PDLIM5: variants seen among roughly 807,000 people sequenced by gnomAD.
PDLIM5 encodes PDZ and LIM domain protein 5.
Under a neutral mutation model 64.2 loss-of-function variants are expected in PDLIM5, and 34 were observed. That is an observed-to-expected ratio of 0.53 (90% CI 0.40 to 0.71). PDLIM5 has a LOEUF of 0.71. PDLIM5 is among the 30% of genes least tolerant of loss of function. PDLIM5 has a pLI of 0.00. For synonymous variants in PDLIM5, 253 were observed against 269.1 expected, an observed-to-expected ratio of 0.94 and a Z score of 0.59; for missense variants, 683 against 733.6, an observed-to-expected ratio of 0.93 and a Z score of 0.80.
At chr4:94,543,353 A>G (rs924112032) in intron 3 of PDLIM5, among the ~76,000 whole-genome samples, 4 of 152,114 alleles carry the variant, frequency 2.6e-5, no homozygotes, top group African/African-American at 7.2e-5. Flanking sequence ...CATGTACAAC[A>G]TAATGTTTTG....
intron 11 of PDLIM5, among the ~76,000 whole-genome samples, chr4:94,662,077 C>T (rs889770792): frequency 2.6e-5 from 4 of 152,078 alleles, no homozygotes; most frequent in African/African-American, 9.7e-5. Flanking sequence ...CCTCAGCCTC[C>T]CAAAGTGCTG....
chr4:94,481,389 A>G (rs1198882128), intron 2 of PDLIM5, among the ~76,000 whole-genome samples: 1 of 150,104 alleles, frequency 6.7e-6, no homozygotes, highest in Non-Finnish European at 1.5e-5. Flanking sequence ...TCCCTGGTTC[A>G]AGCGATGCCT....
chr4:94,644,157 A>T (rs968289900), intron 9 of PDLIM5, among the ~76,000 whole-genome samples: 22 of 152,220 alleles, frequency 1.4e-4, no homozygotes, highest in African/African-American at 5.1e-4. Context: ...TATTCCAAAT[A>T]TTGCACCAAG....
chr4:94,523,679 T>C (rs1177324797), intron 2 of PDLIM5, 45 bp from the exon 3 acceptor site: 1 of 1,485,092 alleles, frequency 6.7e-7, no homozygotes, highest in South Asian at 1.2e-5. Context: ...CATTTATTAT[T>C]CTTTTTCAAA....
At position 94,650,571 on chromosome 4, in the gene PDLIM5, T is replaced by C. The variant is rs546288190; in HGVS notation, c.1284-3889T>C. On this transcript the variant is annotated intron_variant, in intron 9 of 12. Transcript: ENST00000317968. ...CGTCATCCATATGATCTTAGGAAAG[T>C]TGGCTGATTTCTCTGACGTTTTCTT... 1.5e-4 allele frequency among the ~76,000 whole-genome samples: 23 copies of C among 152,268 alleles called. No individual in the cohort carries two copies. In the South Asian group the frequency reaches 3.3e-3, roughly 22 times the overall value.
intron 3 of PDLIM5, among the ~76,000 whole-genome samples, chr4:94,550,826 A>G (rs1282500071): frequency 6.6e-6 from 1 of 152,184 alleles, no homozygotes; most frequent in Non-Finnish European, 1.5e-5. Context: ...CTTCTTGTAC[A>G]AGCATTACTA....
At chr4:94,582,651 C>T in intron 5 of PDLIM5, 1 of 974,384 alleles carries the variant, frequency 1.0e-6, no homozygotes, top group Non-Finnish European at 1.6e-6. Flanking sequence ...TGTTCATCTT[C>T]CGGGGAACAT....
chr4:94,587,073 C>T (rs181685632), intron 7 of PDLIM5: 36 of 1,606,646 alleles, frequency 2.2e-5, no homozygotes, highest in South Asian at 4.5e-5. Flanking sequence ...GTGCTCTTAA[C>T]GTACAGTGAT....
At chr4:94,511,248 A>G (rs1420741667) in intron 2 of PDLIM5, among the ~76,000 whole-genome samples, 1 of 152,238 alleles carries the variant, frequency 6.6e-6, no homozygotes. Context: ...ATAAATGGCC[A>G]CAAATATTCT....
chr4:94,657,624 A>C, intron 11 of PDLIM5, 77 bp downstream of exon 11: 87 of 1,038,818 alleles, frequency 8.4e-5, no homozygotes, highest in Non-Finnish European at 1.1e-4. Flanking sequence ...TATAAAGCTC[A>C]AGAAAATATT....
chr4:94,558,125 G>A (rs1007038350), intron 3 of PDLIM5, among the ~76,000 whole-genome samples: 5 of 152,162 alleles, frequency 3.3e-5, no homozygotes, highest in Non-Finnish European at 7.3e-5. Context: ...AAGGGCTGTT[G>A]AATTTTGTCA....
intron 2 of PDLIM5, among the ~76,000 whole-genome samples, chr4:94,508,133 TAAG>T (rs5860362): frequency 0.34 from 51,431 of 151,848 alleles, 11,321 homozygotes; most frequent in African/African-American, 0.64. Flanking sequence ...GGCACTGACA[TAAG>T]AACATTTCCT....
chr4:94,665,025 G>A lies in PDLIM5; in HGVS notation c.*958G>A. 1 of 982,646 alleles carries A rather than the reference G, an allele frequency of 1.0e-6. No homozygotes were observed. Among genetic ancestry groups the A allele is most frequent in the Non-Finnish European group, 1.2e-6 (1 of 827,398 alleles). The allele number at this position is 982,646 out of a possible 1,614,324, so 60.9% of individuals were successfully genotyped here. Reference sequence around the variant, plus strand: ...CCACCCAAAAATAAGCTACCATATAGCTTATAAGTCTCAAATTTTTGCCTT... The same window carrying A: ...CCACCCAAAAATAAGCTACCATATAACTTATAAGTCTCAAATTTTTGCCTT... On this transcript the variant is annotated 3_prime_UTR_variant, in exon 13 of 13. Coordinates refer to ENST00000317968, the MANE Select transcript of PDLIM5 (RefSeq NM_006457.5).
chr4:94,499,662 G>A (rs554878206), intron 2 of PDLIM5, among the ~76,000 whole-genome samples: 16 of 152,264 alleles, frequency 1.1e-4, no homozygotes, highest in Non-Finnish European at 1.6e-4. Flanking sequence ...CCCAGTCCCC[G>A]GGTTATGGAT....
rs1733985922 is a variant in PDLIM5, at chr4:94,563,118, AATAAT to A, written c.249-10228_249-10224del. Among the ~76,000 whole-genome samples, 6 of 152,316 alleles carry A rather than the reference AATAAT, an allele frequency of 3.9e-5. No homozygotes were observed. In the South Asian group the frequency reaches 1.0e-3, roughly 26 times the overall value. ...TGGTATAAATGTGAGATAAATCACA[AATAAT>A]ATAAGAAGTTGTAAAAATAAATATT... On this transcript the variant is annotated intron_variant, in intron 3 of 12. Coordinates refer to ENST00000317968, the MANE Select transcript of PDLIM5 (RefSeq NM_006457.5).
At chr4:94,514,668 G>A (rs868186651) in intron 2 of PDLIM5, among the ~76,000 whole-genome samples, 2 of 152,148 alleles carry the variant, frequency 1.3e-5, no homozygotes, top group Middle Eastern at 3.2e-3. Context: ...TTGGGTCCAA[G>A]GCTTTTCTTT....
At chr4:94,573,893 T>A (rs1030257422) in intron 4 of PDLIM5, among the ~76,000 whole-genome samples, 2 of 152,216 alleles carry the variant, frequency 1.3e-5, no homozygotes, top group Non-Finnish European at 2.9e-5. Flanking sequence ...GCTTTCTCCC[T>A]AATTTTATCT....
intron 2 of PDLIM5, chr4:94,456,770 T>C (rs1018859214): frequency 7.3e-6 from 9 of 1,230,998 alleles, no homozygotes; most frequent in African/African-American, 6.4e-5. Flanking sequence ...ATTTACACTT[T>C]TGTGCAACGC....
intron 7 of PDLIM5, among the ~76,000 whole-genome samples, chr4:94,594,828 A>G (rs531256623): frequency 2.9e-4 from 44 of 152,258 alleles, no homozygotes; most frequent in African/African-American, 9.9e-4. Context: ...TCTTTTCTTT[A>G]TCTCCCTTGC....
Sources: allele counts gnomAD v4.1 joint callset (sites outside exome capture counted in the v4.1 genomes callset), GRCh38; gene constraint gnomAD v4.1.1; transcripts MANE v1.5; gene names NCBI Gene and HGNC (gene_info 2026-07-23, HGNC 2026-07-21).